CTNNA3: variants seen among roughly 807,000 people sequenced by gnomAD.
CTNNA3 encodes catenin alpha 3, also known as catenin alpha-3.
CTNNA3 carries 76 observed loss-of-function variants against 95.7 expected under a neutral mutation model. The observed-to-expected ratio is 0.79, with a 90% confidence interval of 0.66 to 0.96. CTNNA3 has a LOEUF of 0.96. Among genes scored for constraint, CTNNA3 ranks in the 40% least tolerant of loss-of-function variants. The pLI is 0.00. For synonymous variants in CTNNA3, 431 were observed against 374.4 expected, an observed-to-expected ratio of 1.15 and a Z score of -1.74; for missense variants, 1,191 against 1,089.8, an observed-to-expected ratio of 1.09 and a Z score of -1.31.
intron 17 of CTNNA3, among the ~76,000 whole-genome samples, chr10:65,922,349 T>C (rs1458500194): frequency 2.6e-5 from 4 of 152,214 alleles, no homozygotes. Context: ...TGCATTTTGT[T>C]AGGATTGTGG....
intron 12 of CTNNA3, among the ~76,000 whole-genome samples, chr10:66,345,195 G>T (rs569294543): frequency 6.6e-6 from 1 of 152,226 alleles, no homozygotes; most frequent in Non-Finnish European, 1.5e-5. Flanking sequence ...ACAACAATAT[G>T]TGATGGGAAC....
intron 5 of CTNNA3, among the ~76,000 whole-genome samples, chr10:67,348,035 G>A (rs988272546): frequency 6.6e-6 from 1 of 152,058 alleles, no homozygotes; most frequent in Non-Finnish European, 1.5e-5. Flanking sequence ...TTCAACAAGG[G>A]TGCCAAAAAT....
intron 9 of CTNNA3, among the ~76,000 whole-genome samples, chr10:66,623,023 CT>C (rs1391784574): frequency 2.0e-5 from 3 of 152,012 alleles, no homozygotes; most frequent in African/African-American, 7.3e-5. Flanking sequence ...TTGAAAAGGT[CT>C]TTTGTTGGCT....
chr10:67,060,165 A>G (rs939518091), intron 7 of CTNNA3, among the ~76,000 whole-genome samples: 11 of 152,190 alleles, frequency 7.2e-5, no homozygotes, highest in African/African-American at 2.4e-4. Flanking sequence ...AAAAATACAT[A>G]AAATTAGCTG....
intron 7 of CTNNA3, among the ~76,000 whole-genome samples, chr10:67,075,934 T>C (rs1856724379): frequency 6.6e-6 from 1 of 152,256 alleles, no homozygotes; most frequent in African/African-American, 2.4e-5. Flanking sequence ...GATGGTATTT[T>C]ACATCTGCAC....
At chr10:65,993,650 G>A (rs1321122561) in intron 15 of CTNNA3, among the ~76,000 whole-genome samples, 2 of 152,124 alleles carry the variant, frequency 1.3e-5, no homozygotes, top group Non-Finnish European at 2.9e-5. Flanking sequence ...AGTGAAGTGA[G>A]TTTCTTAGAG....
chr10:67,428,072 A>G (rs568776882), intron 5 of CTNNA3, among the ~76,000 whole-genome samples: 7 of 152,166 alleles, frequency 4.6e-5, no homozygotes, highest in African/African-American at 1.7e-4. Flanking sequence ...GGAAAATAGG[A>G]CCCAATTTTA....
At chr10:66,293,110 C>A (rs780701517) in intron 12 of CTNNA3, among the ~76,000 whole-genome samples, 1 of 152,090 alleles carries the variant, frequency 6.6e-6, no homozygotes, top group Admixed American at 6.6e-5. Context: ...ATGTCTAAAA[C>A]TGCATAGCTA....
intron 11 of CTNNA3, among the ~76,000 whole-genome samples, chr10:66,477,543 A>T (rs1839370369): frequency 6.6e-6 from 1 of 151,990 alleles, no homozygotes; most frequent in Non-Finnish European, 1.5e-5. Flanking sequence ...AAATTCACTC[A>T]AACTCATGGC....
intron 13 of CTNNA3, among the ~76,000 whole-genome samples, chr10:66,127,759 A>G (rs2082892978): frequency 6.6e-6 from 1 of 152,222 alleles, no homozygotes; most frequent in Admixed American, 6.5e-5. Context: ...GGTATAAGCC[A>G]TATGGGAACG....
chr10:67,638,927 C>A (rs1370435468), intron 2 of CTNNA3, among the ~76,000 whole-genome samples: 1 of 151,906 alleles, frequency 6.6e-6, no homozygotes, highest in African/African-American at 2.4e-5. Context: ...AAATTGACAC[C>A]CTAACATCAC....
intron 14 of CTNNA3, chr10:66,079,090 A>C (rs2080644394): frequency 6.6e-6 from 1 of 151,992 alleles, no homozygotes. Context: ...AGTTATAAAT[A>C]AGCTTTCCTG....
At chr10:65,978,277 C>T (rs998977113) in intron 16 of CTNNA3, among the ~76,000 whole-genome samples, 17 of 152,006 alleles carry the variant, frequency 1.1e-4, no homozygotes, top group Admixed American at 8.5e-4. Context: ...TTATAATTGC[C>T]GCATTCATTA....
chr10:67,213,738 A>G (rs1426438190), intron 6 of CTNNA3, among the ~76,000 whole-genome samples: 1 of 151,812 alleles, frequency 6.6e-6, no homozygotes, highest in Non-Finnish European at 1.5e-5. Context: ...AAGATTCCAA[A>G]TAGTAGGGTA....
Position 67,114,133 on chromosome 10 carries a change from A to G in CTNNA3, c.1047+66184T>C, listed in dbSNP as rs1258142248. 5.1e-4 allele frequency among the ~76,000 whole-genome samples: 77 copies of G among 152,054 alleles called. 1 individual carries two copies. Among genetic ancestry groups the G allele is most frequent in the Non-Finnish European group, 1.6e-4 (11 of 68,006 alleles). On this transcript the variant is annotated intron_variant, in intron 7 of 17. Coordinates refer to ENST00000433211, the MANE Select transcript of CTNNA3 (RefSeq NM_013266.4). ...GCAAGAAAAGAAAAAAAATTAATGT[A>G]TATCAAAATATTAAATTCTGTTCCC...
intron 11 of CTNNA3, among the ~76,000 whole-genome samples, chr10:66,429,058 A>T (rs1396024025): frequency 6.6e-6 from 1 of 152,122 alleles, no homozygotes; most frequent in Admixed American, 6.5e-5. Context: ...GCAATAAAAA[A>T]TGATAAAGGG....
At chr10:66,053,009 T>C (rs2079995017) in intron 15 of CTNNA3, among the ~76,000 whole-genome samples, 1 of 151,952 alleles carries the variant, frequency 6.6e-6, no homozygotes, top group African/African-American at 2.4e-5. Context: ...GAAGACCAAA[T>C]AAATCCAAAC....
intron 13 of CTNNA3, among the ~76,000 whole-genome samples, chr10:66,155,459 T>G (rs1216017221): frequency 1.3e-5 from 2 of 151,854 alleles, no homozygotes; most frequent in Non-Finnish European, 2.9e-5. Context: ...CTATAAAAGT[T>G]ATATCTTAAT....
intron 6 of CTNNA3, among the ~76,000 whole-genome samples, chr10:67,218,083 G>C (rs1016696800): frequency 7.2e-5 from 11 of 152,038 alleles, no homozygotes; most frequent in Admixed American, 2.6e-4. Flanking sequence ...TAATTCATTA[G>C]GTATATGCAA....
Sources: allele counts gnomAD v4.1 joint callset (sites outside exome capture counted in the v4.1 genomes callset), GRCh38; gene constraint gnomAD v4.1.1; transcripts MANE v1.5; gene names NCBI Gene and HGNC (gene_info 2026-07-23, HGNC 2026-07-21).